EFCAB12: variants seen among roughly 807,000 people sequenced by gnomAD.
EFCAB12 encodes EF-hand calcium binding domain 12.
A neutral mutation model predicts 53.6 loss-of-function variants in EFCAB12; 43 were observed. The observed-to-expected ratio is 0.80, with a 90% CI of 0.63 to 1.03. The LOEUF (loss-of-function observed/expected upper bound fraction) is 1.03. EFCAB12 is among the 50% of genes least tolerant of loss of function. The pLI, the probability that EFCAB12 is intolerant of heterozygous loss-of-function variation, is 0.00. For missense variants in EFCAB12, 646 were observed against 730.6 expected (o/e 0.88, Z 1.34); for synonymous variants, 269 against 289.2 (o/e 0.93, Z 0.71).
intron 6 of EFCAB12, 95 bp from the exon 7 acceptor site, chr3:129,404,498 T>A (rs1465882172): frequency 5.0e-5 from 62 of 1,249,768 alleles, no homozygotes; most frequent in South Asian, 4.0e-4. Flanking sequence ...TTTTTTTTTT[T>A]AATTCACATT....
chr3:129,403,287 C>G (rs1188250333), intron 7 of EFCAB12: 1 of 152,562 alleles, frequency 6.6e-6, no homozygotes, highest in African/African-American at 2.4e-5. Flanking sequence ...GATGCCCCAA[C>G]CAGAGCAAGG....
chr3:129,408,945 AC>A, intron 5 of EFCAB12, 87 bp from the exon 6 acceptor site: 1 of 1,448,582 alleles, frequency 6.9e-7, no homozygotes, highest in Non-Finnish European at 9.4e-7. Flanking sequence ...TGCCTCATCG[AC>A]CTCTCCCCTG....
chr3:129,407,082 G>C (rs1018960493), intron 6 of EFCAB12, among the ~76,000 whole-genome samples: 9 of 152,164 alleles, frequency 5.9e-5, no homozygotes, highest in African/African-American at 2.2e-4. Flanking sequence ...CCATGGGTGG[G>C]TGCTAATCCA....
intron 1 of EFCAB12, among the ~76,000 whole-genome samples, chr3:129,426,341 C>T (rs2072270260): frequency 7.0e-6 from 1 of 143,642 alleles, no homozygotes; most frequent in African/African-American, 2.6e-5. Context: ...ACTTGGATGG[C>T]TTACAGGGTT....
chr3:129,420,555 C>T (rs2072175593), intron 2 of EFCAB12, among the ~76,000 whole-genome samples: 1 of 152,186 alleles, frequency 6.6e-6, no homozygotes, highest in African/African-American at 2.4e-5. Flanking sequence ...CTTTTCCTCC[C>T]AACCTCACAA....
At position 129,401,630 on chromosome 3, in the gene EFCAB12, G is replaced by A. The variant is rs1435152704; in HGVS notation, c.1682C>T (p.Ala561Val). Reference protein sequence around the residue: ...PLRNKNYMTHAHYDAAKVYYI... With the variant: ...PLRNKNYMTHVHYDAAKVYYI... ...GTACACCTTGGCGGCATCATAATGG[G>A]CGTGGGTCATGTAGTTCTTGTTCCT... The change falls in exon 9 of 9, where the codon GCC becomes GTC. Residue 561 changes from alanine to valine, a missense_variant. Transcript: ENST00000505956. 1.9e-6 allele frequency: 3 copies of A among 1,575,324 alleles called. No individual in the cohort carries two copies. The highest frequency in any genetic ancestry group is 2.6e-6 in the Non-Finnish European group (3 of 1,159,444).
At chr3:129,408,010 A>C (rs1460704735) in intron 6 of EFCAB12, among the ~76,000 whole-genome samples, 1 of 152,208 alleles carries the variant, frequency 6.6e-6, no homozygotes, top group Non-Finnish European at 1.5e-5. Context: ...CCGCTCCCAC[A>C]TATTAGAAGT....
chr3:129,404,946 A>G (rs531982157), intron 6 of EFCAB12, among the ~76,000 whole-genome samples: 1 of 152,234 alleles, frequency 6.6e-6, no homozygotes, highest in East Asian at 1.9e-4. Context: ...CTAAGTAGCT[A>G]GGGCCACAGG....
chr3:129,415,065 A>T, intron 4 of EFCAB12, 180 bp downstream of exon 4: 1 of 605,598 alleles, frequency 1.7e-6, no homozygotes, highest in South Asian at 2.7e-5. Flanking sequence ...ACTCAAGGGA[A>T]TATCTACTCC....
Position 129,401,745 on chromosome 3 carries a change from T to TGTGGGAGCTGA in EFCAB12, c.1566_1567insTCAGCTCCCAC (p.Thr523SerfsTer40). On this transcript the variant is annotated frameshift_variant, in exon 9 of 9. Coordinates refer to ENST00000505956, the MANE Select transcript of EFCAB12 (RefSeq NM_207307.3). LOFTEE classifies it low-confidence loss of function (END_TRUNC). ...CTGAAGAGCGCCAGGCTCCGGTCTG[T>TGTGGGAGCTGA]GGCCACAGTGGGCAGGTAGAGCTGC... The TGTGGGAGCTGA allele has an allele frequency of 6.2e-7, 1 of 1,606,188 alleles. No individual in the cohort carries two copies. The highest frequency in any genetic ancestry group is 1.3e-5 in the African/African-American group (1 of 74,946).
intron 3 of EFCAB12, among the ~76,000 whole-genome samples, chr3:129,416,221 C>T (rs2072113297): frequency 6.6e-6 from 1 of 151,974 alleles, no homozygotes; most frequent in Admixed American, 6.6e-5. Context: ...GAGTTCGAGA[C>T]CAGACTGGCC....
chr3:129,426,359 G>GTTTTTTTTTTTTTTTTTTT (rs71620055), intron 1 of EFCAB12, among the ~76,000 whole-genome samples: 1 of 87,806 alleles, frequency 1.1e-5, no homozygotes, highest in Non-Finnish European at 2.4e-5. Flanking sequence ...GTTTTTTTTT[G>GTTTTTTTTTTTTTTTTTTT]TTTTTTTTTT....
At position 129,401,467 on chromosome 3, in the gene EFCAB12, C is replaced by T; in HGVS notation, c.*126G>A. 1 of 1,333,704 alleles carries T rather than the reference C, an allele frequency of 7.5e-7. No individual in the cohort carries two copies. The highest frequency in any genetic ancestry group is 2.9e-5 in the Admixed American group (1 of 34,560). 82.6% of individuals were successfully genotyped at this position (1,333,704 alleles called of 1,614,324 possible). ...AGTCCAGAGGGAACTGGCCCCCGGT[C>T]CATCCCTCTTTGAAAGGATTTCTTT... is the stretch of plus-strand genomic sequence containing the variant. On this transcript the variant is annotated 3_prime_UTR_variant, in exon 9 of 9. Coordinates refer to ENST00000505956, the MANE Select transcript of EFCAB12 (RefSeq NM_207307.3).
intron 7 of EFCAB12, 183 bp downstream of exon 7, chr3:129,404,067 G>T: frequency 1.5e-6 from 1 of 677,860 alleles, no homozygotes; most frequent in Non-Finnish European, 2.4e-6. Context: ...CCTGAGACAT[G>T]CGCCAAGGGT....
In EFCAB12 at chr3:129,418,333, A is replaced by G; in HGVS notation, c.602T>C (p.Ile201Thr). ...GCCCACCTTGTGAAATATCTCCAGG[A>G]TCTTGATCTTGCGGCTATGCAGGTA... ...YSYLHSRKIK[I>T]LEIFHKVGQG... is the part of the protein sequence containing the mutation. Residue 201 changes from isoleucine (I) to threonine (T), a missense_variant, in exon 3 of 9, where the codon ATC becomes ACC. Transcript: ENST00000505956. 2 of 1,613,836 alleles carry G rather than the reference A, an allele frequency of 1.2e-6. No homozygotes were observed. Among genetic ancestry groups the G allele is most frequent in the African/African-American group, 1.3e-5 (1 of 75,026 alleles).
intron 7 of EFCAB12, 196 bp downstream of exon 7, chr3:129,404,054 G>T: frequency 1.7e-6 from 1 of 588,244 alleles, no homozygotes; most frequent in Non-Finnish European, 2.9e-6. Context: ...AGCAGGCCAT[G>T]ATCCTGAGAC....
intron 3 of EFCAB12, among the ~76,000 whole-genome samples, chr3:129,417,350 A>AAC (rs2072130726): frequency 1.4e-5 from 2 of 140,556 alleles, no homozygotes; most frequent in South Asian, 4.6e-4. Context: ...CCAAAAAAAA[A>AAC]AAACCCAAAA....
chr3:129,421,645 G>T lies in EFCAB12; in HGVS notation c.208C>A (p.Pro70Thr), dbSNP rs2072189210. 1 of 1,614,016 alleles carries T rather than the reference G, an allele frequency of 6.2e-7. No individual in the cohort carries two copies. The highest frequency in any genetic ancestry group is 1.1e-5 in the South Asian group (1 of 91,076). The change falls in exon 2 of 9, where the codon CCC (proline) becomes ACC (threonine). Residue 70 changes from proline to threonine, a missense_variant. By Grantham distance (38) the Pro-to-Thr change is conservative (BLOSUM62 -1). Transcript: ENST00000505956. Reference sequence around the variant, plus strand: ...TGAGGTTGGGATGCAGGATTAAGGGGTGTCTGATCCTCCTTGCGAGGCACC... The same window carrying T: ...TGAGGTTGGGATGCAGGATTAAGGGTTGTCTGATCCTCCTTGCGAGGCACC... ...IMVPRKEDQT[P>T]LNPASQPQAP...
Position 129,401,554 on chromosome 3 carries a change from T to C in EFCAB12, c.*39A>G. On this transcript the variant is annotated 3_prime_UTR_variant, in exon 9 of 9. Transcript: ENST00000505956. ...CTGGGCCGCTGGCTGCACTGGCCCCTGGCCCAGGAAGGCTGGGTCCGGCAA... is the reference window on the plus strand; with the variant it reads ...CTGGGCCGCTGGCTGCACTGGCCCCCGGCCCAGGAAGGCTGGGTCCGGCAA... 11 of 1,484,178 alleles carry C rather than the reference T, an allele frequency of 7.4e-6. No individual in the cohort carries two copies. The highest frequency in any genetic ancestry group is 9.9e-6 in the Non-Finnish European group (11 of 1,109,514). 91.9% of individuals were successfully genotyped at this position (1,484,178 alleles called of 1,614,324 possible). A position where few individuals can be genotyped will look rare whatever the true frequency, so the allele number is the denominator to read the frequency against.
Sources: allele counts gnomAD v4.1 joint callset (sites outside exome capture counted in the v4.1 genomes callset), GRCh38; gene constraint gnomAD v4.1.1; transcripts MANE v1.5; gene names NCBI Gene and HGNC (gene_info 2026-07-23, HGNC 2026-07-21).